Variants in SLC15A2 observed in about 807,000 individuals in gnomAD.
SLC15A2 encodes the protein kidney H(+)/peptide cotransporter.
Under a neutral mutation model 95.5 loss-of-function variants are expected in SLC15A2, and 77 were observed. The observed-to-expected ratio is 0.81, with a 90% CI of 0.67 to 0.97. The LOEUF (loss-of-function observed/expected upper bound fraction) is 0.97, where lower values mean the gene tolerates loss of function less well. Among genes scored for constraint, SLC15A2 ranks in the 50% least tolerant of loss-of-function variants. The pLI is 0.00. For synonymous variants in SLC15A2, 306 were observed against 306.9 expected (o/e 1.00, Z 0.03); for missense variants, 893 against 874.4 (o/e 1.02, Z -0.27).
At chr3:121,917,564 T>A (rs1559846839) in intron 7 of SLC15A2, among the ~76,000 whole-genome samples, 1 of 152,062 alleles carries the variant, frequency 6.6e-6, no homozygotes, top group Non-Finnish European at 1.5e-5. Flanking sequence ...GGCGCACACC[T>A]ATGATCCCAA....
chr3:121,896,391 C>T lies in SLC15A2; in HGVS notation c.106-15C>T, dbSNP rs1358170330. On this transcript the variant is annotated splice_polypyrimidine_tract_variant and intron_variant, in intron 1 of 21. Transcript: ENST00000489711. Reference sequence around the variant, plus strand: ...AAACAGCTCATGCTTGAATCATTGCCTTCTTGTTGAATAGACAATCTGTGG... The same window carrying T: ...AAACAGCTCATGCTTGAATCATTGCTTTCTTGTTGAATAGACAATCTGTGG... 1.2e-6 allele frequency: 2 copies of T among 1,601,682 alleles called. No individual in the cohort carries two copies. The highest frequency in any genetic ancestry group is 1.7e-6 in the Non-Finnish European group (2 of 1,168,754).
intron 3 of SLC15A2, among the ~76,000 whole-genome samples, chr3:121,910,881 A>G (rs1013307379): frequency 6.6e-6 from 1 of 152,324 alleles, no homozygotes; most frequent in Non-Finnish European, 1.5e-5. Context: ...TTGAGAAAAC[A>G]ATACAACAGG....
intron 3 of SLC15A2, 113 bp from the exon 4 acceptor site, chr3:121,911,461 C>T (rs1043461215): frequency 8.4e-6 from 5 of 597,472 alleles, no homozygotes; most frequent in African/African-American, 7.4e-5. Context: ...TTCCTCCTCC[C>T]TCCTCCTCCT....
chr3:121,926,210 T>C (rs1054954607), intron 13 of SLC15A2, among the ~76,000 whole-genome samples: 1 of 152,144 alleles, frequency 6.6e-6, no homozygotes, highest in Non-Finnish European at 1.5e-5. Context: ...TTTGAATATT[T>C]GTACCCACTC....
In SLC15A2 at chr3:121,939,567, G is replaced by C. The variant is rs1386773749; in HGVS notation, c.1908+72G>C. Reference sequence around the variant, plus strand: ...GACAATGAATTTTAATTCTAGCACTGACTTAAATAGGTATGTTATCTCTTT... The same window carrying C: ...GACAATGAATTTTAATTCTAGCACTCACTTAAATAGGTATGTTATCTCTTT... On this transcript the variant is annotated intron_variant, in intron 20 of 21. Coordinates refer to ENST00000489711, the MANE Select transcript of SLC15A2 (RefSeq NM_021082.4). 27 of 1,301,766 alleles carry C rather than the reference G, an allele frequency of 2.1e-5. No individual in the cohort carries two copies. The East Asian group carries it at 6.9e-4, about 33-fold the overall frequency. The allele number at this position is 1,301,766 out of a possible 1,614,324, so 80.6% of individuals were successfully genotyped here.
intron 6 of SLC15A2, 144 bp from the exon 7 acceptor site, chr3:121,915,472 C>T (rs1709874634): frequency 6.3e-6 from 5 of 793,220 alleles, no homozygotes; most frequent in Non-Finnish European, 1.1e-5. Context: ...AAAAGAAGAA[C>T]TATGGATTAG....
chr3:121,910,726 A>G (rs985625443), intron 3 of SLC15A2, among the ~76,000 whole-genome samples: 1 of 152,202 alleles, frequency 6.6e-6, no homozygotes, highest in Admixed American at 6.5e-5. Context: ...TAATGCTAAC[A>G]TTCTACTTAT....
chr3:121,907,471 C>T (rs1040467297), intron 3 of SLC15A2, among the ~76,000 whole-genome samples: 2 of 152,224 alleles, frequency 1.3e-5, no homozygotes, highest in African/African-American at 4.8e-5. Context: ...GCTCTGGTTT[C>T]TCCCCATCTT....
At chr3:121,904,216 G>C (rs2107574040) in intron 3 of SLC15A2, among the ~76,000 whole-genome samples, 1 of 152,298 alleles carries the variant, frequency 6.6e-6, no homozygotes, top group Middle Eastern at 3.4e-3. Flanking sequence ...CTGAGACTTT[G>C]CTGAAGTTGC....
chr3:121,916,021 C>T (rs1274275711), intron 7 of SLC15A2, among the ~76,000 whole-genome samples: 1 of 152,060 alleles, frequency 6.6e-6, no homozygotes, highest in Non-Finnish European at 1.5e-5. Context: ...ATCCACTGCT[C>T]TACACTACAA....
chr3:121,898,327 T>C (rs1399416724), intron 3 of SLC15A2, among the ~76,000 whole-genome samples: 2 of 152,176 alleles, frequency 1.3e-5, no homozygotes, highest in African/African-American at 2.4e-5. Flanking sequence ...TTTTGTAGTT[T>C]CCTTCTTATG....
rs1384400780 is a variant in SLC15A2, at chr3:121,942,244, G to A, written c.*1237G>A. 6.6e-6 allele frequency: 1 copy of A among 152,058 alleles called. No individual in the cohort carries two copies. The highest frequency in any genetic ancestry group is 2.4e-5 in the African/African-American group (1 of 41,406). The allele number at this position is 152,058 out of a possible 1,614,324, so 9.4% of individuals were successfully genotyped here. ...GAGGGTTTTGTTTGTGTATGTGTAT[G>A]GTCATGAAAAAAAATTGAGAAACAT... On this transcript the variant is annotated 3_prime_UTR_variant, in exon 22 of 22. Transcript: ENST00000489711.
chr3:121,900,876 ATTAT>A (rs1226935070), intron 3 of SLC15A2, among the ~76,000 whole-genome samples: 3 of 151,510 alleles, frequency 2.0e-5, no homozygotes, highest in African/African-American at 7.3e-5. Context: ...TAGTTATTTA[ATTAT>A]TTATATATGA....
intron 7 of SLC15A2, among the ~76,000 whole-genome samples, chr3:121,918,262 A>G (rs995586846): frequency 6.6e-6 from 1 of 152,206 alleles, no homozygotes; most frequent in African/African-American, 2.4e-5. Flanking sequence ...GAGGGAGAAG[A>G]TAAGCCAAGG....
chr3:121,915,373 C>G (rs1212407605), intron 6 of SLC15A2, 56 bp downstream of exon 6: 3 of 1,165,766 alleles, frequency 2.6e-6, no homozygotes, highest in African/African-American at 1.5e-5. Flanking sequence ...AGCCAAAAAG[C>G]TGTTCAAGGC....
chr3:121,904,031 A>G (rs1351670442), intron 3 of SLC15A2, among the ~76,000 whole-genome samples: 1 of 152,148 alleles, frequency 6.6e-6, no homozygotes, highest in African/African-American at 2.4e-5. Context: ...TTCATTGAGC[A>G]ATGGTTTGTA....
intron 2 of SLC15A2, 120 bp from the exon 3 acceptor site, chr3:121,897,268 G>C: frequency 1.8e-6 from 2 of 1,130,698 alleles, no homozygotes; most frequent in Non-Finnish European, 2.5e-6. Flanking sequence ...TCACTGATAG[G>C]AGTGCTGAAG....
At position 121,942,359 on chromosome 3, in the gene SLC15A2, G is replaced by C. The variant is rs1710477904; in HGVS notation, c.*1352G>C. 1 of 152,216 alleles carries C rather than the reference G, an allele frequency of 6.6e-6. No individual in the cohort carries two copies. The highest frequency in any genetic ancestry group is 1.5e-5 in the Non-Finnish European group (1 of 68,042). 9.4% of individuals were successfully genotyped at this position (152,216 alleles called of 1,614,324 possible). On this transcript the variant is annotated 3_prime_UTR_variant, in exon 22 of 22. Transcript: ENST00000489711. Reference sequence around the variant, plus strand: ...ACTAGGAAAAAAGTTCAGAATCACTGTTCTAGAGAGCTTCATTTCCATTGG... The same window carrying C: ...ACTAGGAAAAAAGTTCAGAATCACTCTTCTAGAGAGCTTCATTTCCATTGG...
intron 2 of SLC15A2, among the ~76,000 whole-genome samples, chr3:121,896,833 G>C (rs1709423448): frequency 2.1e-5 from 3 of 145,526 alleles, no homozygotes; most frequent in African/African-American, 7.7e-5. Flanking sequence ...AGGTTATCAG[G>C]CACCTGTAAT....
Sources: gnomAD v4.1 joint callset for allele counts (sites outside exome capture counted in the v4.1 genomes callset) on GRCh38, gnomAD v4.1.1 for gene constraint, MANE v1.5 for transcripts, NCBI Gene and HGNC (gene_info 2026-07-23, HGNC 2026-07-21) for gene names.